PRKG1: variants seen among roughly 807,000 people sequenced by gnomAD.
The protein encoded by PRKG1 is protein kinase cGMP-dependent 1, also known as cGMP-dependent protein kinase 1.
Under a neutral mutation model 88.1 loss-of-function variants are expected in PRKG1, and 35 were observed. That is an observed-to-expected ratio of 0.40 (90% CI 0.30 to 0.53). PRKG1 has a LOEUF of 0.53. Ranked by LOEUF, PRKG1 falls within the 20% of genes least tolerant of loss-of-function variation. PRKG1 has a pLI of 0.59. For missense variants in PRKG1, 540 were observed against 839.8 expected (o/e 0.64, Z 4.41); for synonymous variants, 303 against 292.5 (o/e 1.04, Z -0.37).
At chr10:51,001,197 G>A (rs1589099761) in intron 1 of PRKG1, among the ~76,000 whole-genome samples, 1 of 152,212 alleles carries the variant, frequency 6.6e-6, no homozygotes, top group South Asian at 2.1e-4. Flanking sequence ...AAGGATGCTG[G>A]GGCACCCACT....
At chr10:52,291,524 C>T (rs1267991652) in intron 17 of PRKG1, among the ~76,000 whole-genome samples, 9 of 150,620 alleles carry the variant, frequency 6.0e-5, no homozygotes, top group African/African-American at 9.8e-5. Flanking sequence ...TTTGTTCTTG[C>T]GATAGTTTAC....
At chr10:51,531,107 T>G (rs1842006012) in intron 3 of PRKG1, among the ~76,000 whole-genome samples, 1 of 152,124 alleles carries the variant, frequency 6.6e-6, no homozygotes, top group Non-Finnish European at 1.5e-5. Flanking sequence ...GGTTTTCAAT[T>G]TTACTCCTCA....
intron 14 of PRKG1, among the ~76,000 whole-genome samples, chr10:52,286,756 T>C (rs1842126335): frequency 6.6e-6 from 1 of 151,860 alleles, no homozygotes; most frequent in Non-Finnish European, 1.5e-5. Context: ...TTTAGAGAAA[T>C]ATTTTAGGAA....
chr10:51,105,572 T>C (rs1844812728), intron 1 of PRKG1, among the ~76,000 whole-genome samples: 1 of 152,230 alleles, frequency 6.6e-6, no homozygotes, highest in African/African-American at 2.4e-5. Flanking sequence ...TCTATTATTT[T>C]TTGTAATTAT....
rs190949924 is a variant in PRKG1 at position 51,723,233 on chromosome 10, T to A, written c.593-81352T>A. ...GACTTGGAATCAACCCAAATGCCCA[T>A]GAATGATAGACTGGATAAAGAAAAT... On this transcript the variant is annotated intron_variant, in intron 3 of 17. Transcript: ENST00000373980. Among the ~76,000 whole-genome samples the A allele has an allele frequency of 2.6e-5, 4 of 152,252 alleles. No homozygotes were observed. In the East Asian group the frequency reaches 7.7e-4, roughly 29 times the overall value.
rs1343672557 is a variant in PRKG1 at position 51,875,952 on chromosome 10, CT to C, written c.699-31543del. ...CTTTATTCCTTTCTTTTCTTTCTTT[CT>C]TTTTTTTTTTTCTTTTTCAGAGCAC... On this transcript the variant is annotated intron_variant, in intron 4 of 17. Transcript: ENST00000373980. Among the ~76,000 whole-genome samples, 705 of 142,598 alleles carry C rather than the reference CT, an allele frequency of 4.9e-3. 6 individuals carry two copies. Among genetic ancestry groups the C allele is most frequent in the African/African-American group, 0.015 (609 of 39,514 alleles). The allele number at this position is 142,598 out of a possible 152,430, so 93.5% of individuals were successfully genotyped here. A position where few individuals can be genotyped will look rare whatever the true frequency, so the allele number is the denominator to read the frequency against.
At chr10:51,963,157 T>C (rs1178645887) in intron 5 of PRKG1, among the ~76,000 whole-genome samples, 1 of 152,198 alleles carries the variant, frequency 6.6e-6, no homozygotes, top group African/African-American at 2.4e-5. Context: ...TGATAATGAA[T>C]GTGTAACTTG....
chr10:52,056,904 T>G (rs1040191702), intron 6 of PRKG1, among the ~76,000 whole-genome samples: 2 of 152,114 alleles, frequency 1.3e-5, no homozygotes, highest in Non-Finnish European at 2.9e-5. Flanking sequence ...TCAGCATACT[T>G]AAGTCCCAAT....
At chr10:52,201,009 T>C (rs72787305) in intron 9 of PRKG1, among the ~76,000 whole-genome samples, 23,689 of 152,210 alleles carry the variant, frequency 0.16, 2,076 homozygotes, top group South Asian at 0.25. Flanking sequence ...AGGTTATCTG[T>C]TTACTCTATT....
At chr10:51,249,469 A>C (rs941495186) in intron 2 of PRKG1, among the ~76,000 whole-genome samples, 8 of 151,824 alleles carry the variant, frequency 5.3e-5, no homozygotes, top group African/African-American at 1.9e-4. Context: ...ATGGCTGTAT[A>C]TGTTGTTCCT....
intron 5 of PRKG1, among the ~76,000 whole-genome samples, chr10:52,040,566 T>C (rs962320881): frequency 3.9e-5 from 6 of 152,206 alleles, no homozygotes; most frequent in African/African-American, 1.2e-4. Context: ...TGCTTTGATA[T>C]TACTCTTAGT....
chr10:51,079,173 C>T (rs1297100405), intron 1 of PRKG1, among the ~76,000 whole-genome samples: 1 of 152,118 alleles, frequency 6.6e-6, no homozygotes, highest in African/African-American at 2.4e-5. Flanking sequence ...CTGTGACATG[C>T]AAAATATTGT....
chr10:51,763,159 T>C (rs1838065415), intron 3 of PRKG1, among the ~76,000 whole-genome samples: 1 of 152,180 alleles, frequency 6.6e-6, no homozygotes, highest in Admixed American at 6.5e-5. Context: ...AAAAATTAGG[T>C]CAATAGAATC....
intron 9 of PRKG1, among the ~76,000 whole-genome samples, chr10:52,213,701 A>G (rs899825533): frequency 2.0e-5 from 3 of 152,162 alleles, no homozygotes; most frequent in African/African-American, 7.2e-5. Context: ...CAGGACTCTG[A>G]CTCAGCAGTG....
chr10:51,462,078 G>A (rs1470836595), intron 2 of PRKG1, among the ~76,000 whole-genome samples: 1 of 152,168 alleles, frequency 6.6e-6, no homozygotes, highest in Non-Finnish European at 1.5e-5. Context: ...AACTGTAGAA[G>A]CCATTATGAA....
intron 4 of PRKG1, among the ~76,000 whole-genome samples, chr10:51,880,660 C>T (rs1381594813): frequency 1.3e-5 from 2 of 152,140 alleles, no homozygotes; most frequent in African/African-American, 2.4e-5. Context: ...AAAATTGTAT[C>T]CACTCATATC....
At chr10:51,031,374 A>G (rs749416273) in intron 1 of PRKG1, among the ~76,000 whole-genome samples, 1 of 152,196 alleles carries the variant, frequency 6.6e-6, no homozygotes, top group Non-Finnish European at 1.5e-5. Context: ...GCCACTTTTC[A>G]TAGACCTTGG....
chr10:51,234,677 A>G (rs1838936380), intron 2 of PRKG1, among the ~76,000 whole-genome samples: 2 of 151,994 alleles, frequency 1.3e-5, no homozygotes, highest in African/African-American at 4.8e-5. Context: ...GAAATCTAGA[A>G]AAAAAAATCC....
At chr10:51,608,773 A>G (rs1280559097) in intron 3 of PRKG1, among the ~76,000 whole-genome samples, 2 of 152,212 alleles carry the variant, frequency 1.3e-5, no homozygotes, top group Non-Finnish European at 2.9e-5. Context: ...TGATAGTGCC[A>G]TAACATTATA....
Sources: gnomAD v4.1 joint callset for allele counts (sites outside exome capture counted in the v4.1 genomes callset) on GRCh38, gnomAD v4.1.1 for gene constraint, MANE v1.5 for transcripts, NCBI Gene and HGNC (gene_info 2026-07-23, HGNC 2026-07-21) for gene names.